Variants in MOB1A observed in about 807,000 individuals in gnomAD.
MOB1A encodes MOB1 Mps One Binder homolog A.
A neutral mutation model predicts 25.1 loss-of-function variants in MOB1A; 10 were observed. The observed-to-expected ratio is 0.40, with a 90% CI of 0.25 to 0.68. The LOEUF (loss-of-function observed/expected upper bound fraction) is 0.68, where lower values mean the gene tolerates loss of function less well. Among genes scored for constraint, MOB1A ranks in the 30% least tolerant of loss-of-function variants. MOB1A has a pLI of 0.40. For synonymous variants in MOB1A, 81 were observed against 79.5 expected (o/e 1.02, Z -0.10); for missense variants, 177 against 256.3 (o/e 0.69, Z 2.11).
intron 4 of MOB1A, among the ~76,000 whole-genome samples, chr2:74,160,708 A>AG (rs967963791): frequency 6.6e-6 from 1 of 151,940 alleles, no homozygotes; most frequent in Non-Finnish European, 1.5e-5. Flanking sequence ...TCAAAAAAAA[A>AG]AAGAAATCTC....
At position 74,165,084 on chromosome 2, in the gene MOB1A, C is replaced by T. The variant is rs552208078; in HGVS notation, c.409+134G>A. On this transcript the variant is annotated intron_variant, in intron 4 of 5. Coordinates refer to ENST00000396049, the MANE Select transcript of MOB1A (RefSeq NM_018221.5). ...CCTGTAATCCCAGCACTGTGGGAGG[C>T]CAAGGCAGGAGGATCACTTGAGGCC... The T allele has an allele frequency of 1.5e-5, 8 of 539,574 alleles. No homozygotes were observed. In the East Asian group the frequency reaches 2.7e-4, roughly 18 times the overall value. The allele number at this position is 539,574 out of a possible 1,614,324, so 33.4% of individuals were successfully genotyped here. A position where few individuals can be genotyped will look rare whatever the true frequency, so the allele number is the denominator to read the frequency against.
rs1192077648 is a variant in MOB1A, at chr2:74,153,546, A to C, written c.*3022T>G. ...GAAAAACTTTGCTGGAAGCCCTGTAAAAATCACTTTATTCACAATCTGAAG... is the reference window on the plus strand; with the variant it reads ...GAAAAACTTTGCTGGAAGCCCTGTACAAATCACTTTATTCACAATCTGAAG... On this transcript the variant is annotated 3_prime_UTR_variant, in exon 6 of 6. Coordinates refer to ENST00000396049, the MANE Select transcript of MOB1A (RefSeq NM_018221.5). The C allele has an allele frequency of 1.3e-5, 2 of 152,234 alleles. No homozygotes were observed. The highest frequency in any genetic ancestry group is 4.8e-5 in the African/African-American group (2 of 41,458). The allele number at this position is 152,234 out of a possible 1,614,324, so 9.4% of individuals were successfully genotyped here. A position where few individuals can be genotyped will look rare whatever the true frequency, so the allele number is the denominator to read the frequency against.
chr2:74,165,518 C>G (rs1163554970), intron 3 of MOB1A, among the ~76,000 whole-genome samples, 167 bp from the exon 4 acceptor site: 1 of 152,116 alleles, frequency 6.6e-6, no homozygotes. Context: ...ATGTAATTAT[C>G]CAGAAAGTGA....
rs1167430525 is a variant in MOB1A, at chr2:74,155,781, T to G, written c.*787A>C. The stretch of plus-strand genomic sequence containing the variant: ...TCCTTTTCTCAGCCAAAAGCTACTA[T>G]CTGAATTAAGCTTTTCAGTTTAAAA... On this transcript the variant is annotated 3_prime_UTR_variant, in exon 6 of 6. Coordinates refer to ENST00000396049, the MANE Select transcript of MOB1A (RefSeq NM_018221.5). The G allele has an allele frequency of 6.6e-6, 1 of 152,430 alleles. No homozygotes were observed. Among genetic ancestry groups the G allele is most frequent in the Non-Finnish European group, 1.5e-5 (1 of 67,976 alleles). 9.4% of individuals were successfully genotyped at this position (152,430 alleles called of 1,614,324 possible).
At chr2:74,163,837 T>C (rs964741661) in intron 4 of MOB1A, among the ~76,000 whole-genome samples, 2 of 152,202 alleles carry the variant, frequency 1.3e-5, no homozygotes, top group African/African-American at 4.8e-5. Flanking sequence ...ATCTTGTTCT[T>C]GGCTAGGAAG....
chr2:74,162,355 G>A (rs865806359), intron 4 of MOB1A, among the ~76,000 whole-genome samples: 16 of 152,060 alleles, frequency 1.1e-4, no homozygotes, highest in African/African-American at 3.9e-4. Flanking sequence ...GGTGGTGGGC[G>A]CCTGTAGTCC....
At chr2:74,177,097 G>A (rs907753738) in intron 1 of MOB1A, among the ~76,000 whole-genome samples, 1 of 152,128 alleles carries the variant, frequency 6.6e-6, no homozygotes, top group Non-Finnish European at 1.5e-5. Context: ...TGGATCATCT[G>A]AGGTCAGGAG....
intron 1 of MOB1A, 47 bp downstream of exon 1, chr2:74,178,614 A>T: frequency 7.4e-7 from 1 of 1,357,790 alleles, no homozygotes; most frequent in South Asian, 1.7e-5. Flanking sequence ...GGCCTCCCCC[A>T]CAACCTCGGC....
chr2:74,163,748 T>G (rs1693044772), intron 4 of MOB1A, among the ~76,000 whole-genome samples: 1 of 152,202 alleles, frequency 6.6e-6, no homozygotes, highest in Admixed American at 6.5e-5. Context: ...AGAATAAAAT[T>G]AAGAAACTTG....
intron 1 of MOB1A, 77 bp from the exon 2 acceptor site, chr2:74,172,829 T>C: frequency 1.4e-6 from 2 of 1,412,852 alleles, no homozygotes; most frequent in Non-Finnish European, 2.0e-6. Context: ...ATTTTAGGTA[T>C]ATAAAGTAGC....
Position 74,153,846 on chromosome 2 carries a change from A to T in MOB1A, c.*2722T>A, listed in dbSNP as rs1692725309. On this transcript the variant is annotated 3_prime_UTR_variant, in exon 6 of 6. Coordinates refer to ENST00000396049, the MANE Select transcript of MOB1A (RefSeq NM_018221.5). ...GGCAAACCTTGGGCATGGGGAGATA[A>T]AAGTGAGAAGAGTCAAAAAGATTGA... is the stretch of plus-strand genomic sequence containing the variant. 1 of 152,178 alleles carries T rather than the reference A, an allele frequency of 6.6e-6. No homozygotes were observed. Among genetic ancestry groups the T allele is most frequent in the Admixed American group, 6.6e-5 (1 of 15,260 alleles). The allele number at this position is 152,178 out of a possible 1,614,324, so 9.4% of individuals were successfully genotyped here.
At chr2:74,171,513 T>C (rs1157524927) in intron 2 of MOB1A, among the ~76,000 whole-genome samples, 1 of 152,046 alleles carries the variant, frequency 6.6e-6, no homozygotes, top group Non-Finnish European at 1.5e-5. Flanking sequence ...AGAAGAAAAA[T>C]TGGTCACAAA....
intron 1 of MOB1A, among the ~76,000 whole-genome samples, chr2:74,175,320 A>G (rs1409374500): frequency 6.6e-6 from 1 of 152,226 alleles, no homozygotes; most frequent in Admixed American, 6.5e-5. Flanking sequence ...ATATATTCCA[A>G]TGTCATAATA....
At chr2:74,175,877 T>C (rs1162746610) in intron 1 of MOB1A, among the ~76,000 whole-genome samples, 1 of 152,060 alleles carries the variant, frequency 6.6e-6, no homozygotes, top group African/African-American at 2.4e-5. Context: ...TGATTACTTC[T>C]AGGAAGAGGA....
rs1692803156 is a variant in MOB1A at position 74,156,270 on chromosome 2, GAAT to G, written c.*295_*297del. Reference sequence around the variant, plus strand: ...GAAATGACTGAGTAAATGAGTAAAAGAATAATAAGTAAATTTATAAGCTACAGG... The same window carrying G: ...GAAATGACTGAGTAAATGAGTAAAAGAATAAGTAAATTTATAAGCTACAGG... On this transcript the variant is annotated 3_prime_UTR_variant, in exon 6 of 6. Coordinates refer to ENST00000396049, the MANE Select transcript of MOB1A (RefSeq NM_018221.5). 2 of 251,598 alleles carry G rather than the reference GAAT, an allele frequency of 7.9e-6. No homozygotes were observed. Among genetic ancestry groups the G allele is most frequent in the East Asian group, 9.4e-5 (1 of 10,586 alleles). The allele number at this position is 251,598 out of a possible 1,614,324, so 15.6% of individuals were successfully genotyped here.
chr2:74,165,742 A>G (rs990418358), intron 3 of MOB1A, among the ~76,000 whole-genome samples: 3 of 152,220 alleles, frequency 2.0e-5, no homozygotes, highest in Non-Finnish European at 4.4e-5. Flanking sequence ...CCAAGATTAT[A>G]AAACTCTGTT....
intron 1 of MOB1A, chr2:74,173,212 C>T (rs1235045206): frequency 1.9e-6 from 1 of 517,872 alleles, no homozygotes; most frequent in Non-Finnish European, 3.9e-6. Flanking sequence ...CTTTTTTTCC[C>T]CTGCCTGTAA....
chr2:74,161,414 C>T (rs1282938813), intron 4 of MOB1A, among the ~76,000 whole-genome samples: 9 of 149,060 alleles, frequency 6.0e-5, no homozygotes, highest in South Asian at 4.3e-4. Flanking sequence ...GAGGCCGAGG[C>T]GGGCGGATCA....
chr2:74,173,741 G>A (rs573167445), intron 1 of MOB1A, among the ~76,000 whole-genome samples: 13 of 149,714 alleles, frequency 8.7e-5, no homozygotes, highest in South Asian at 2.1e-4. Flanking sequence ...ACGAGGTCAG[G>A]AGATCGAGAC....
Sources: allele counts gnomAD v4.1 joint callset (sites outside exome capture counted in the v4.1 genomes callset), GRCh38; gene constraint gnomAD v4.1.1; transcripts MANE v1.5; gene names NCBI Gene and HGNC (gene_info 2026-07-23, HGNC 2026-07-21).